SIDT2: variants seen among roughly 807,000 people sequenced by gnomAD.
The protein encoded by SIDT2 is SID1 transmembrane family member 2.
Under a neutral mutation model 114.4 loss-of-function variants are expected in SIDT2, and 68 were observed. That is an observed-to-expected ratio of 0.59 (90% CI 0.49 to 0.73). The LOEUF is 0.73. SIDT2 is among the 30% of genes least tolerant of loss of function. The pLI is 0.00. For synonymous variants in SIDT2, 470 were observed against 438.4 expected (o/e 1.07, Z -0.90); for missense variants, 918 against 1,097.1 (o/e 0.84, Z 2.31).
chr11:117,192,452 G>A lies in SIDT2; in HGVS notation c.1981+90G>A. ...CGGGAGACGCTCAGGTTCTGTCTTG[G>A]GGGCCCTGGAGTCACTGGGTGAGGA... On this transcript the variant is annotated intron_variant, in intron 20 of 25. Transcript: ENST00000324225. This position sits in a 1 kb window ranked among gnomAD's most constrained non-coding sequence, Gnocchi z 5.9. 7.0e-7 allele frequency: 1 copy of A among 1,419,198 alleles called. No individual in the cohort carries two copies. The highest frequency in any genetic ancestry group is 9.9e-7 in the Non-Finnish European group (1 of 1,014,342). 87.9% of individuals were successfully genotyped at this position (1,419,198 alleles called of 1,614,324 possible). A position where few individuals can be genotyped will look rare whatever the true frequency, so the allele number is the denominator to read the frequency against.
intron 23 of SIDT2, 65 bp downstream of exon 23, chr11:117,193,323 G>T: frequency 1.5e-6 from 2 of 1,366,246 alleles, no homozygotes. Context: ...AGATGGGCCC[G>T]GCAGCATTGA....
chr11:117,194,640 G>T (rs912154320), intron 24 of SIDT2, among the ~76,000 whole-genome samples: 2 of 152,208 alleles, frequency 1.3e-5, no homozygotes, highest in Non-Finnish European at 2.9e-5. Flanking sequence ...AGGACTGTTG[G>T]TGCATGACTG....
At chr11:117,187,274 T>A in intron 10 of SIDT2, 104 bp from the exon 11 acceptor site, 1 of 1,167,660 alleles carries the variant, frequency 8.6e-7, no homozygotes, top group Non-Finnish European at 1.3e-6. Context: ...TCTGCTGGCA[T>A]GGCCTCCCTG....
intron 8 of SIDT2, among the ~76,000 whole-genome samples, chr11:117,184,958 C>G (rs1443898956): frequency 6.6e-6 from 1 of 152,024 alleles, no homozygotes; most frequent in African/African-American, 2.4e-5. Context: ...AACTCTTGAC[C>G]TCAGGTGATC....
At chr11:117,185,895 AGTAG>A in intron 8 of SIDT2, 1 of 339,362 alleles carries the variant, frequency 2.9e-6, no homozygotes, top group African/African-American at 2.7e-5. Flanking sequence ...AAAAAAAAAA[AGTAG>A]AAGAGAAAGT....
Position 117,192,577 on chromosome 11 carries a change from CG to C in SIDT2, c.1989del (p.Ile664SerfsTer73). The C allele has an allele frequency of 1.2e-6, 2 of 1,608,964 alleles. No homozygotes were observed. The highest frequency in any genetic ancestry group is 1.7e-6 in the Non-Finnish European group (2 of 1,179,998). ...LYYMGRWKLD[S>X]GIFRRILHVL... ...CACCACTCCCTTCTCTTCGCAGACT[CG>C]GGGATCTTCCGCCGCATCCTCCACG... On this transcript the variant is annotated frameshift_variant, in exon 21 of 26. Transcript: ENST00000324225. LOFTEE classifies it high-confidence loss of function. This position sits in a 1 kb window ranked among gnomAD's most constrained non-coding sequence, Gnocchi z 5.9.
At chr11:117,193,012 CTT>C (rs762712841) in intron 22 of SIDT2, 139 bp from the exon 23 acceptor site, 514 of 1,329,592 alleles carry the variant, frequency 3.9e-4, no homozygotes, top group East Asian at 1.1e-3. Flanking sequence ...TCTTCTCTCT[CTT>C]GGCATCTGGG....
In SIDT2 at chr11:117,183,808, T is replaced by TGTG. The variant is rs780814165; in HGVS notation, c.745_747dup (p.Val249dup). 18 of 1,613,818 alleles carry TGTG rather than the reference T, an allele frequency of 1.1e-5. No homozygotes were observed. The highest frequency in any genetic ancestry group is 1.4e-5 in the Non-Finnish European group (16 of 1,179,730). On this transcript the variant is annotated inframe_insertion, in exon 7 of 26. Coordinates refer to ENST00000324225, the MANE Select transcript of SIDT2 (RefSeq NM_001040455.2). ...AAGACTTCCCCAGCAACAGCTTTTA[T>TGTG]GTGGTGGTGGTGGTGAAGACCGAAG...
chr11:117,191,736 A>G, intron 18 of SIDT2, 142 bp from the exon 19 acceptor site: 2 of 1,180,686 alleles, frequency 1.7e-6, no homozygotes, highest in African/African-American at 1.5e-5. Flanking sequence ...CTGAAGTTCA[A>G]GTGCCACCCT....
At chr11:117,182,910 G>T in intron 6 of SIDT2, 104 bp downstream of exon 6, 3 of 1,279,966 alleles carry the variant, frequency 2.3e-6, no homozygotes, top group South Asian at 1.5e-5. Flanking sequence ...TCCTACACAC[G>T]ACTGAGTCTT....
Position 117,179,151 on chromosome 11 carries a change from C to T in SIDT2, c.-113C>T. The T allele has an allele frequency of 1.0e-6, 1 of 1,004,964 alleles. No individual in the cohort carries two copies. The highest frequency in any genetic ancestry group is 1.5e-6 in the Non-Finnish European group (1 of 688,516). 62.3% of individuals were successfully genotyped at this position (1,004,964 alleles called of 1,614,324 possible). A position where few individuals can be genotyped will look rare whatever the true frequency, so the allele number is the denominator to read the frequency against. On this transcript the variant is annotated 5_prime_UTR_variant, in exon 1 of 26. Coordinates refer to ENST00000324225, the MANE Select transcript of SIDT2 (RefSeq NM_001040455.2). ...CTCAGGCCGGGGTTAAAGTTCTGGT[C>T]CTGGTGAGATGCTGGAAGCTGCGGC...
At chr11:117,181,649 G>A (rs2030289922) in intron 2 of SIDT2, 112 bp downstream of exon 2, 31 of 1,578,852 alleles carry the variant, frequency 2.0e-5, no homozygotes, top group Non-Finnish European at 2.6e-5. Flanking sequence ...CTGGGAGGCT[G>A]GTCAACAGCA....
Position 117,189,222 on chromosome 11 carries a change from A to G in SIDT2, c.1332A>G (p.Lys444=). 6.2e-7 allele frequency: 1 copy of G among 1,614,232 alleles called. No individual in the cohort carries two copies. Among genetic ancestry groups the G allele is most frequent in the Non-Finnish European group, 8.5e-7 (1 of 1,180,034 alleles). ...GGAAGGACAAGCGTGTTCTGCGGAAAAAGTACCAGATCTACTTCTGGTGAG... is the reference window on the plus strand; with the variant it reads ...GGAAGGACAAGCGTGTTCTGCGGAAGAAGTACCAGATCTACTTCTGGTGAG... The part of the protein sequence containing the change: ...LARKDKRVLR[K]KYQIYFWNIA... Residue 444 remains lysine, a synonymous_variant, in exon 14 of 26, where the codon AAA becomes AAG. Coordinates refer to ENST00000324225, the MANE Select transcript of SIDT2 (RefSeq NM_001040455.2).
At position 117,190,828 on chromosome 11, in the gene SIDT2, G is replaced by T. The variant is rs538179152; in HGVS notation, c.1735+88G>T. 3.8e-6 allele frequency: 4 copies of T among 1,040,752 alleles called. No individual in the cohort carries two copies. Among genetic ancestry groups the T allele is most frequent in the East Asian group, 4.8e-5 (2 of 42,046 alleles). 64.5% of individuals were successfully genotyped at this position (1,040,752 alleles called of 1,614,324 possible). A position where few individuals can be genotyped will look rare whatever the true frequency, so the allele number is the denominator to read the frequency against. On this transcript the variant is annotated intron_variant, in intron 18 of 25. Transcript: ENST00000324225. This position sits in a 1 kb window ranked among gnomAD's most constrained non-coding sequence, Gnocchi z 4.1. ...TATCCCCAAGTCACCCACAGGGATC[G>T]CTAAGACACCCCTGTAGGAAACTCC...
Position 117,188,595 on chromosome 11 carries a change from ACAATTTGC to A in SIDT2, c.1160-111_1160-104del. The A allele has an allele frequency of 1.3e-6, 1 of 788,252 alleles. No homozygotes were observed. Among genetic ancestry groups the A allele is most frequent in the East Asian group, 2.6e-5 (1 of 38,096 alleles). 48.8% of individuals were successfully genotyped at this position (788,252 alleles called of 1,614,324 possible). ...CCACCCCAACTCTGAGGCCCAGCCC[ACAATTTGC>A]CTCTTCCCTACTGCCTAATAATTGT... is the stretch of plus-strand genomic sequence containing the variant. On this transcript the variant is annotated intron_variant, in intron 12 of 25. Coordinates refer to ENST00000324225, the MANE Select transcript of SIDT2 (RefSeq NM_001040455.2). This position sits in a 1 kb window ranked among gnomAD's most constrained non-coding sequence, Gnocchi z 4.0.
Position 117,186,214 on chromosome 11 carries a change from A to C in SIDT2, c.953A>C (p.Glu318Ala). The C allele has an allele frequency of 6.2e-7, 1 of 1,613,956 alleles. No homozygotes were observed. The highest frequency in any genetic ancestry group is 1.1e-5 in the South Asian group (1 of 91,054). Reference sequence around the variant, plus strand: ...CTGACCGTCCTCCTGGCCTGCTGGGAGAACTGGAGGTAAAGTGGAACTGCT... The same window carrying C: ...CTGACCGTCCTCCTGGCCTGCTGGGCGAACTGGAGGTAAAGTGGAACTGCT... ...YLLTVLLACW[E>A]NWRQKKKTLL... The change falls in exon 9 of 26, where the codon GAG becomes GCG. Residue 318 changes from glutamate to alanine, a missense_variant. Glu to Ala is a moderately radical substitution (Grantham distance 107). Coordinates refer to ENST00000324225, the MANE Select transcript of SIDT2 (RefSeq NM_001040455.2).
rs969228290 is a variant in SIDT2, at chr11:117,182,434, C to T, written c.517-85C>T. On this transcript the variant is annotated intron_variant, in intron 4 of 25. Coordinates refer to ENST00000324225, the MANE Select transcript of SIDT2 (RefSeq NM_001040455.2). ...CACCCCTCAGAGGATTCTGGGTCCTCGCTTATAGGGGACTATTCCCTTCTA... is the reference window on the plus strand; with the variant it reads ...CACCCCTCAGAGGATTCTGGGTCCTTGCTTATAGGGGACTATTCCCTTCTA... The T allele has an allele frequency of 2.4e-5, 30 of 1,256,766 alleles. 1 individual carries two copies. The highest frequency in any genetic ancestry group is 1.6e-4 in the South Asian group (13 of 80,298). The allele number at this position is 1,256,766 out of a possible 1,614,324, so 77.9% of individuals were successfully genotyped here.
At position 117,179,065 on chromosome 11, in the gene SIDT2, C is replaced by G; in HGVS notation, c.-199C>G. On this transcript the variant is annotated 5_prime_UTR_variant, in exon 1 of 26. Coordinates refer to ENST00000324225, the MANE Select transcript of SIDT2 (RefSeq NM_001040455.2). ...CCCTCCCCGCCCCCTCCCGGCCGCCCCCTCCCCTGCGGGGACCCTGGGAGC... is the reference window on the plus strand; with the variant it reads ...CCCTCCCCGCCCCCTCCCGGCCGCCGCCTCCCCTGCGGGGACCCTGGGAGC... 1.6e-6 allele frequency: 1 copy of G among 609,328 alleles called. No individual in the cohort carries two copies. The highest frequency in any genetic ancestry group is 2.8e-6 in the Non-Finnish European group (1 of 353,322). The allele number at this position is 609,328 out of a possible 1,614,324, so 37.7% of individuals were successfully genotyped here.
At chr11:117,194,672 T>C (rs191417625) in intron 24 of SIDT2, among the ~76,000 whole-genome samples, 38 of 152,322 alleles carry the variant, frequency 2.5e-4, no homozygotes, top group African/African-American at 8.9e-4. Flanking sequence ...TACGATGTGA[T>C]ACATGAAATG....
Sources: allele counts gnomAD v4.1 joint callset (sites outside exome capture counted in the v4.1 genomes callset), GRCh38; gene constraint gnomAD v4.1.1; non-coding constraint Gnocchi (gnomAD v3.1); transcripts MANE v1.5; gene names NCBI Gene and HGNC (gene_info 2026-07-23, HGNC 2026-07-21).